BABAM2: variants seen among roughly 807,000 people sequenced by gnomAD.
BABAM2 encodes the protein BRISC and BRCA1-A complex member 2.
A neutral mutation model predicts 54.7 loss-of-function variants in BABAM2; 31 were observed. That is an observed-to-expected ratio of 0.57 (90% CI 0.43 to 0.77). The LOEUF (loss-of-function observed/expected upper bound fraction) is 0.77, where lower values mean the gene tolerates loss of function less well. BABAM2 is among the 30% of genes least tolerant of loss of function. The pLI, the probability that BABAM2 is intolerant of heterozygous loss-of-function variation, is 0.00. For synonymous variants in BABAM2, 167 were observed against 162.9 expected, an observed-to-expected ratio of 1.03 and a Z score of -0.19; for missense variants, 364 against 455.8, an observed-to-expected ratio of 0.80 and a Z score of 1.83.
chr2:28,000,872 A>G (rs912666768), intron 4 of BABAM2, among the ~76,000 whole-genome samples: 3 of 152,066 alleles, frequency 2.0e-5, no homozygotes, highest in African/African-American at 7.2e-5. Context: ...CCCCATCATT[A>G]TAGATGTTTT....
At chr2:27,960,902 A>G (rs1670417969) in intron 3 of BABAM2, among the ~76,000 whole-genome samples, 1 of 152,240 alleles carries the variant, frequency 6.6e-6, no homozygotes, top group African/African-American at 2.4e-5. Flanking sequence ...TCAACTGCTT[A>G]TGATGAGAAA....
intron 6 of BABAM2, among the ~76,000 whole-genome samples, chr2:28,063,545 A>G (rs1679076285): frequency 6.6e-6 from 1 of 152,180 alleles, no homozygotes; most frequent in Non-Finnish European, 1.5e-5. Context: ...GTACTCAGTA[A>G]CCACATTTGG....
intron 6 of BABAM2, among the ~76,000 whole-genome samples, chr2:28,117,377 C>T (rs767027698): frequency 5.3e-5 from 8 of 152,108 alleles, no homozygotes; most frequent in Non-Finnish European, 1.0e-4. Flanking sequence ...AATAATTTAC[C>T]AGAGAAAATG....
At chr2:27,890,434 AC>A (rs975126113), upstream of BABAM2, 11 of 1,290,310 alleles carry the variant, frequency 8.5e-6, no homozygotes, top group Non-Finnish European at 1.2e-5. The surrounding 1 kb of genome is among the most constrained non-coding windows in gnomAD (Gnocchi z 4.8). Context: ...GCCCTCCCTA[AC>A]GACGCGGGCC....
At chr2:28,291,672 A>C (rs541335808) in intron 10 of BABAM2, among the ~76,000 whole-genome samples, 1 of 152,368 alleles carries the variant, frequency 6.6e-6, no homozygotes, top group South Asian at 2.1e-4. Context: ...AAAGTAGAAC[A>C]CATGTAACAA....
intron 7 of BABAM2, among the ~76,000 whole-genome samples, chr2:28,215,636 A>C (rs931629745): frequency 3.7e-5 from 5 of 135,972 alleles, no homozygotes; most frequent in Admixed American, 7.7e-5. Flanking sequence ...TTTGGTTTTT[A>C]CCCTTCCACT....
chr2:28,041,336 A>G (rs1489790543), intron 5 of BABAM2, among the ~76,000 whole-genome samples: 2 of 152,182 alleles, frequency 1.3e-5, no homozygotes, highest in Non-Finnish European at 2.9e-5. Flanking sequence ...TGCTTTATAA[A>G]CTGAAAATGA....
At chr2:27,910,934 G>A (rs777744252) in intron 2 of BABAM2, among the ~76,000 whole-genome samples, 4 of 152,142 alleles carry the variant, frequency 2.6e-5, no homozygotes, top group Middle Eastern at 3.2e-3. Flanking sequence ...GGAGGGACCC[G>A]GTGGAAGGTA....
At chr2:28,035,950 G>A (rs905516466) in intron 5 of BABAM2, among the ~76,000 whole-genome samples, 1 of 152,112 alleles carries the variant, frequency 6.6e-6, no homozygotes, top group African/African-American at 2.4e-5. Context: ...AAGTGGAAAA[G>A]ATCTTATTTT....
chr2:28,109,142 G>C (rs1667772775), intron 6 of BABAM2, among the ~76,000 whole-genome samples: 1 of 151,566 alleles, frequency 6.6e-6, no homozygotes, highest in South Asian at 2.1e-4. Context: ...GCTTACACAG[G>C]GACCATTTGG....
At chr2:28,119,213 T>C (rs953324152) in intron 6 of BABAM2, among the ~76,000 whole-genome samples, 1 of 152,226 alleles carries the variant, frequency 6.6e-6, no homozygotes, top group African/African-American at 2.4e-5. Context: ...ATTGATACTT[T>C]AAGTAAGCCC....
intron 4 of BABAM2, among the ~76,000 whole-genome samples, chr2:28,021,287 A>T (rs926703525): frequency 2.0e-5 from 3 of 152,142 alleles, no homozygotes; most frequent in Non-Finnish European, 4.4e-5. Flanking sequence ...CAGTGTTTGG[A>T]GCTTCAAAGA....
At chr2:28,205,144 A>G (rs1229855599) in intron 7 of BABAM2, among the ~76,000 whole-genome samples, 1 of 152,010 alleles carries the variant, frequency 6.6e-6, no homozygotes. Context: ...ACACTCTCCC[A>G]TTGATATAGG....
intron 7 of BABAM2, among the ~76,000 whole-genome samples, chr2:28,155,475 C>A (rs1490422271): frequency 6.6e-6 from 1 of 152,078 alleles, no homozygotes; most frequent in African/African-American, 2.4e-5. Context: ...TTAATGCAAG[C>A]AGATGAGAAT....
intron 10 of BABAM2, among the ~76,000 whole-genome samples, chr2:28,250,318 CTTTTTTT>C (rs35545683): frequency 8.5e-4 from 101 of 118,796 alleles, no homozygotes; most frequent in African/African-American, 3.0e-3. Context: ...ATTTGTTGAA[CTTTTTTT>C]TTTTTTTTTT....
At chr2:28,148,193 G>A (rs1033743623) in intron 7 of BABAM2, among the ~76,000 whole-genome samples, 1 of 152,136 alleles carries the variant, frequency 6.6e-6, no homozygotes, top group Non-Finnish European at 1.5e-5. Flanking sequence ...GTATCGCATT[G>A]CTCAGTCTGG....
chr2:27,910,356 CT>C (rs1224328238), intron 2 of BABAM2, among the ~76,000 whole-genome samples: 1 of 152,130 alleles, frequency 6.6e-6, no homozygotes, highest in Non-Finnish European at 1.5e-5. Context: ...TTAGTTGTTG[CT>C]ACTTCCCTCC....
At chr2:28,055,720 C>A (rs936856112) in intron 6 of BABAM2, among the ~76,000 whole-genome samples, 1 of 152,148 alleles carries the variant, frequency 6.6e-6, no homozygotes, top group Non-Finnish European at 1.5e-5. Context: ...AATAGAACTA[C>A]CAGTAATGCC....
intron 7 of BABAM2, among the ~76,000 whole-genome samples, chr2:28,200,647 C>G (rs1370669499): frequency 6.6e-6 from 1 of 152,186 alleles, no homozygotes; most frequent in African/African-American, 2.4e-5. Context: ...CAGATTCAAG[C>G]AATAGATAGC....
Sources: gnomAD v4.1 joint callset for allele counts (sites outside exome capture counted in the v4.1 genomes callset) on GRCh38, gnomAD v4.1.1 for gene constraint, Gnocchi (gnomAD v3.1) non-coding constraint, MANE v1.5 for transcripts, NCBI Gene and HGNC (gene_info 2026-07-23, HGNC 2026-07-21) for gene names.